FHIT: variants seen among roughly 807,000 people sequenced by gnomAD.
FHIT encodes bis(5'-adenosyl)-triphosphatase.
Under a neutral mutation model 17.9 loss-of-function variants are expected in FHIT, and 19 were observed. The ratio of observed to expected loss-of-function variants is 1.06; its 90% CI spans 0.74 to 1.56. FHIT has a LOEUF of 1.56. FHIT is among the 40% of genes most tolerant of loss of function. The pLI, the probability that FHIT is intolerant of heterozygous loss-of-function variation, is 0.00. For missense variants in FHIT, 248 were observed against 189.2 expected (o/e 1.31, Z -1.82); for synonymous variants, 81 against 69.7 (o/e 1.16, Z -0.81).
chr3:61,218,932 A>G (rs918391776), intron 1 of FHIT, among the ~76,000 whole-genome samples: 17 of 152,188 alleles, frequency 1.1e-4, no homozygotes, highest in Non-Finnish European at 2.4e-4. Flanking sequence ...GTCACTTAGT[A>G]ATGGGAGTAT....
intron 4 of FHIT, among the ~76,000 whole-genome samples, chr3:60,785,463 T>A (rs2108105890): frequency 6.6e-6 from 1 of 152,340 alleles, no homozygotes; most frequent in Admixed American, 6.5e-5. Flanking sequence ...GGATTCATTT[T>A]GCCAACATTC....
chr3:60,776,435 T>C (rs1389179348), intron 4 of FHIT, among the ~76,000 whole-genome samples: 1 of 152,184 alleles, frequency 6.6e-6, no homozygotes. Context: ...CTTTAAGAAA[T>C]AGAAACAGTC....
chr3:60,817,670 C>T (rs1701787592), intron 4 of FHIT, among the ~76,000 whole-genome samples: 1 of 152,030 alleles, frequency 6.6e-6, no homozygotes, highest in Admixed American at 6.6e-5. Context: ...TCAAGATTCT[C>T]TCTTTATTGT....
At chr3:59,996,485 G>A (rs1279330043) in intron 7 of FHIT, among the ~76,000 whole-genome samples, 3 of 152,084 alleles carry the variant, frequency 2.0e-5, no homozygotes, top group Non-Finnish European at 4.4e-5. Flanking sequence ...GCGACATTTT[G>A]TGTGTATGTG....
intron 4 of FHIT, among the ~76,000 whole-genome samples, chr3:60,577,433 T>C (rs782785578): frequency 1.3e-5 from 2 of 152,160 alleles, no homozygotes; most frequent in African/African-American, 4.8e-5. Flanking sequence ...ATCTGAATTA[T>C]GAGGATTCAG....
intron 8 of FHIT, among the ~76,000 whole-genome samples, chr3:59,832,936 T>A (rs1314987581): frequency 6.6e-6 from 1 of 152,226 alleles, no homozygotes; most frequent in Non-Finnish European, 1.5e-5. Flanking sequence ...GCCTGAAGAC[T>A]TAATGCTACA....
chr3:60,453,743 C>T (rs923168498), intron 5 of FHIT, among the ~76,000 whole-genome samples: 1 of 152,116 alleles, frequency 6.6e-6, no homozygotes, highest in African/African-American at 2.4e-5. Flanking sequence ...AAATCTGGCA[C>T]ATAGTATATG....
intron 5 of FHIT, among the ~76,000 whole-genome samples, chr3:60,244,050 C>T (rs1382444168): frequency 5.9e-5 from 9 of 152,148 alleles, no homozygotes; most frequent in Admixed American, 2.0e-4. Context: ...GAAATTCAAT[C>T]AAAGGCTGAG....
intron 5 of FHIT, among the ~76,000 whole-genome samples, chr3:60,349,022 T>A (rs1351259289): frequency 6.6e-6 from 1 of 152,186 alleles, no homozygotes; most frequent in Non-Finnish European, 1.5e-5. Flanking sequence ...TAAACATGTG[T>A]AGTATGGCAC....
intron 5 of FHIT, among the ~76,000 whole-genome samples, chr3:60,444,893 T>C (rs1320044650): frequency 2.0e-5 from 3 of 152,022 alleles, no homozygotes; most frequent in Admixed American, 6.6e-5. Flanking sequence ...TCTGACTCCA[T>C]TGTCTTGAAA....
chr3:60,542,962 T>C (rs903897410), intron 4 of FHIT, among the ~76,000 whole-genome samples: 7 of 152,242 alleles, frequency 4.6e-5, no homozygotes, highest in African/African-American at 1.7e-4. Flanking sequence ...ATTTTTCTTT[T>C]TGTGAGCCAA....
intron 3 of FHIT, among the ~76,000 whole-genome samples, chr3:60,994,060 T>G (rs1338227663): frequency 1.3e-5 from 2 of 152,246 alleles, no homozygotes; most frequent in East Asian, 3.8e-4. Flanking sequence ...AATGTTCAAA[T>G]ATTAATTACA....
rs147840811 is a variant in FHIT at position 60,448,974 on chromosome 3, G to C, written c.103+87886C>G. Among the ~76,000 whole-genome samples the C allele has an allele frequency of 3.1e-3, 472 of 152,266 alleles. 5 individuals carry two copies. The highest frequency in any genetic ancestry group is 0.01 in the African/African-American group (431 of 41,552). Reference sequence around the variant, plus strand: ...TGCTTTTCCTCCAAGTAATTCGGTAGGTTTGGAAAATGAAGCATCTGGTCT... The same window carrying C: ...TGCTTTTCCTCCAAGTAATTCGGTACGTTTGGAAAATGAAGCATCTGGTCT... On this transcript the variant is annotated intron_variant, in intron 5 of 9. Coordinates refer to ENST00000492590, the MANE Select transcript of FHIT (RefSeq NM_002012.4).
At chr3:59,891,963 G>T (rs2107017930) in intron 8 of FHIT, among the ~76,000 whole-genome samples, 1 of 152,270 alleles carries the variant, frequency 6.6e-6, no homozygotes, top group Admixed American at 6.5e-5. Flanking sequence ...AAACTGCGTT[G>T]TCTCCAAACT....
At chr3:60,591,522 C>A (rs2038084023) in intron 4 of FHIT, among the ~76,000 whole-genome samples, 1 of 152,094 alleles carries the variant, frequency 6.6e-6, no homozygotes, top group Admixed American at 6.6e-5. Flanking sequence ...TATAAATCCA[C>A]TTGCTATAAA....
rs562820636 is a variant in FHIT, at chr3:60,642,052, C to A, written c.-17-105073G>T. On this transcript the variant is annotated intron_variant, in intron 4 of 9. Transcript: ENST00000492590. ...TGCTACAGCCTTGAAGGGACACAGA[C>A]CCTGAAAAACATGATGAGAAAGACT... 5.3e-5 allele frequency among the ~76,000 whole-genome samples: 8 copies of A among 152,118 alleles called. No individual in the cohort carries two copies. The East Asian group carries it at 1.5e-3, about 29-fold the overall frequency.
chr3:60,784,580 T>C (rs1700501085), intron 4 of FHIT, among the ~76,000 whole-genome samples: 2 of 152,172 alleles, frequency 1.3e-5, no homozygotes, highest in South Asian at 4.1e-4. Context: ...AAATGATCTG[T>C]CTGCTTCGGC....
chr3:60,840,427 A>C (rs782493355), intron 3 of FHIT, among the ~76,000 whole-genome samples: 3 of 152,212 alleles, frequency 2.0e-5, no homozygotes, highest in Non-Finnish European at 4.4e-5. Context: ...GATGAACTTG[A>C]CATGTGAATG....
chr3:60,030,750 T>C (rs950565739), intron 5 of FHIT, among the ~76,000 whole-genome samples: 3 of 152,096 alleles, frequency 2.0e-5, no homozygotes, highest in African/African-American at 7.2e-5. Context: ...CATGGACGGA[T>C]GGTAGATGAC....
Sources: gnomAD v4.1 joint callset for allele counts (sites outside exome capture counted in the v4.1 genomes callset) on GRCh38, gnomAD v4.1.1 for gene constraint, MANE v1.5 for transcripts, NCBI Gene and HGNC (gene_info 2026-07-23, HGNC 2026-07-21) for gene names.